Variants in FAM3A observed in about 807,000 individuals in gnomAD.
FAM3A encodes FAM3 metabolism regulating signaling molecule A, also known as protein FAM3A.
Under a neutral mutation model 18.1 loss-of-function variants are expected in FAM3A, and 5 were observed. The observed-to-expected ratio is 0.28, with a 90% CI of 0.14 to 0.58. The LOEUF is 0.58. Ranked by LOEUF, FAM3A falls within the 20% of genes least tolerant of loss-of-function variation. FAM3A has a pLI of 0.91. For missense variants in FAM3A, 154 were observed against 216.6 expected (o/e 0.71, Z 1.81); for synonymous variants, 108 against 90.2 (o/e 1.20, Z -1.12).
At position 154,506,774 on chromosome X, in the gene FAM3A, T is replaced by TCTGGCCTCCCTCGGC; in HGVS notation, c.*22_*36dup. 2 of 1,151,753 alleles carry TCTGGCCTCCCTCGGC rather than the reference T, an allele frequency of 1.7e-6. No homozygotes were observed. Among genetic ancestry groups the TCTGGCCTCCCTCGGC allele is most frequent in the East Asian group, 6.0e-5 (2 of 33,514 alleles). 94.9% of individuals were successfully genotyped at this position (1,151,753 alleles called of 1,213,427 possible). On this transcript the variant is annotated 3_prime_UTR_variant, in exon 9 of 9. Transcript: ENST00000447601. ...CCGGCAGCGCGCGTGCCTCCCTTGG[T>TCTGGCCTCCCTCGGC]CTGGCCTCCCTCGGCCCGGTCCTGG...
Position 154,511,876 on chromosome X carries a change from G to A in FAM3A, c.128-5C>T. 8.3e-7 allele frequency: 1 copy of A among 1,208,529 alleles called. No homozygotes were observed. Among genetic ancestry groups the A allele is most frequent in the South Asian group, 1.8e-5 (1 of 56,848 alleles). On this transcript the variant is annotated splice_polypyrimidine_tract_variant and splice_region_variant and intron_variant, in intron 2 of 8. Coordinates refer to ENST00000447601, the MANE Select transcript of FAM3A (RefSeq NM_021806.4). Reference sequence around the variant, plus strand: ...CAGTCACCGAGCTCTCTGGACCTGTGGATACAGAGTGGTTTCTGTTAGTGT... The same window carrying A: ...CAGTCACCGAGCTCTCTGGACCTGTAGATACAGAGTGGTTTCTGTTAGTGT...
chrX:154,506,236 C>T lies in FAM3A; in HGVS notation c.*575G>A, dbSNP rs891302775. The stretch of plus-strand genomic sequence containing the variant: ...GTGGGCCCCCTGACAAACCGCGGGA[C>T]TGTGATCGGGCTCCAGCTACTTCAC... On this transcript the variant is annotated 3_prime_UTR_variant, in exon 9 of 9. Coordinates refer to ENST00000447601, the MANE Select transcript of FAM3A (RefSeq NM_021806.4). 1 of 115,397 alleles carries T rather than the reference C, an allele frequency of 8.7e-6. No homozygotes were observed. Among genetic ancestry groups the T allele is most frequent in the African/African-American group, 3.2e-5 (1 of 30,774 alleles). 9.5% of individuals were successfully genotyped at this position (115,397 alleles called of 1,213,427 possible). A position where few individuals can be genotyped will look rare whatever the true frequency, so the allele number is the denominator to read the frequency against.
In FAM3A at chrX:154,515,892, C is replaced by A; in HGVS notation, c.-120G>T. 10 of 745,128 alleles carry A rather than the reference C, an allele frequency of 1.3e-5. No individual in the cohort carries two copies. The highest frequency in any genetic ancestry group is 2.0e-5 in the Non-Finnish European group (10 of 490,625). The allele number at this position is 745,128 out of a possible 1,213,427, so 61.4% of individuals were successfully genotyped here. A position where few individuals can be genotyped will look rare whatever the true frequency, so the allele number is the denominator to read the frequency against. On this transcript the variant is annotated 5_prime_UTR_variant, in exon 1 of 9. Transcript: ENST00000447601. ...GTGCGGGACCCCTGCTGGGGGCGGG[C>A]GCGATCGGTGCTACGACCTGTTTGT...
intron 1 of FAM3A, among the ~76,000 whole-genome samples, chrX:154,515,151 C>T (rs901170185): frequency 3.6e-5 from 4 of 112,322 alleles, no homozygotes; most frequent in Non-Finnish European, 5.6e-5. Flanking sequence ...GTCATCTACT[C>T]CTAGCTCTTT....
intron 3 of FAM3A, 188 bp from the exon 4 acceptor site, chrX:154,508,785 G>T: frequency 1.8e-6 from 1 of 548,557 alleles, no homozygotes; most frequent in Non-Finnish European, 3.2e-6. Flanking sequence ...AGGCCACAGG[G>T]ACCCAAGACA....
Position 154,515,691 on chromosome X carries a change from G to A in FAM3A, c.13+69C>T. ...CACCCGGGCCTCTCCAGACACAGAT[G>A]TCGCGACGCTGGGCCTCCAGCCAGG... On this transcript the variant is annotated intron_variant, in intron 1 of 8. Coordinates refer to ENST00000447601, the MANE Select transcript of FAM3A (RefSeq NM_021806.4). 1.1e-5 allele frequency: 13 copies of A among 1,148,086 alleles called. 1 individual carries two copies. The Admixed American group carries it at 2.8e-4, about 25-fold the overall frequency. 94.6% of individuals were successfully genotyped at this position (1,148,086 alleles called of 1,213,427 possible).
intron 1 of FAM3A, among the ~76,000 whole-genome samples, chrX:154,514,099 C>G (rs1266615436): frequency 9.0e-6 from 1 of 110,783 alleles, no homozygotes; most frequent in Non-Finnish European, 1.9e-5. Flanking sequence ...GCTGGCTTTC[C>G]GGACAGCACA....
At position 154,513,982 on chromosome X, in the gene FAM3A, C is replaced by T. The variant is rs186153530; in HGVS notation, c.14-1046G>A. On this transcript the variant is annotated intron_variant, in intron 1 of 8. Coordinates refer to ENST00000447601, the MANE Select transcript of FAM3A (RefSeq NM_021806.4). ...CCAAATCAGCTTGTTGCCAAGGCCACTGATGACCTTTGTGGTGTCACCACC... is the reference window on the plus strand; with the variant it reads ...CCAAATCAGCTTGTTGCCAAGGCCATTGATGACCTTTGTGGTGTCACCACC... Among the ~76,000 whole-genome samples the T allele has an allele frequency of 5.4e-5, 6 of 110,233 alleles. No homozygotes were observed. In the East Asian group the frequency reaches 1.7e-3, roughly 32 times the overall value.
In FAM3A at chrX:154,507,857, G is replaced by T; in HGVS notation, c.339C>A (p.Val113=). 1 of 1,193,019 alleles carries T rather than the reference G, an allele frequency of 8.4e-7. No individual in the cohort carries two copies. The highest frequency in any genetic ancestry group is 1.1e-6 in the Non-Finnish European group (1 of 886,143). The change falls in exon 6 of 9, where the codon GTC becomes GTA. Residue 113 remains valine (V), a synonymous_variant. Transcript: ENST00000447601. ...CCCGGGCCTCGATGAGCTCGCCGCTGACCCCTGTGTCAGGAGGGAGGGGCC... is the reference window on the plus strand; with the variant it reads ...CCCGGGCCTCGATGAGCTCGCCGCTTACCCCTGTGTCAGGAGGGAGGGGCC... ...RGLNIALVNG[V]SGELIEARAF...
intron 3 of FAM3A, chrX:154,510,193 C>G (rs782649887): frequency 9.0e-6 from 1 of 111,089 alleles, no homozygotes; most frequent in African/African-American, 3.3e-5. Context: ...ATAGTGAGAC[C>G]CCGTCTCTAC....
intron 3 of FAM3A, chrX:154,511,471 G>T: frequency 6.1e-6 from 1 of 165,010 alleles, no homozygotes; most frequent in Non-Finnish European, 1.2e-5. Context: ...GGGCTGTCTC[G>T]TTTCAGAGCA....
chrX:154,515,039 C>T (rs990921308), intron 1 of FAM3A, among the ~76,000 whole-genome samples: 2 of 109,726 alleles, frequency 1.8e-5, no homozygotes, highest in African/African-American at 3.3e-5. Context: ...AGGCTGGTCT[C>T]GAACTCCTGA....
chrX:154,511,859 G>C lies in FAM3A; in HGVS notation c.140C>G (p.Ser47Trp). The C allele has an allele frequency of 8.3e-7, 1 of 1,209,775 alleles. No homozygotes were observed. Among genetic ancestry groups the C allele is most frequent in the Non-Finnish European group, 1.1e-6 (1 of 894,304 alleles). The change falls in exon 3 of 9, where the codon TCG (serine) becomes TGG (tryptophan). Residue 47 changes from serine to tryptophan, a missense_variant. Ser to Trp is a radical substitution (Grantham distance 177, BLOSUM62 -3). Around this residue, in one of 3 missense-constraint regions of FAM3A, gnomAD observed 112 missense variants for 160.0 expected, o/e 0.70. Transcript: ENST00000447601. ...IQQLFTSPES[S>W]VTAAPRARKY... ...GACAGGGGCCTTACCTGCAGTCACC[G>C]AGCTCTCTGGACCTGTGGATACAGA...
chrX:154,513,585 A>G (rs1033911509), intron 1 of FAM3A, among the ~76,000 whole-genome samples: 1 of 110,679 alleles, frequency 9.0e-6, no homozygotes, highest in Non-Finnish European at 1.9e-5. Flanking sequence ...AGCTGAGACC[A>G]TGCCACTGCA....
Position 154,507,833 on chromosome X carries a change from C to T in FAM3A, c.363G>A (p.Arg121=). The change falls in exon 6 of 9, where the codon CGG becomes CGA. Residue 121 remains arginine, a synonymous_variant. Coordinates refer to ENST00000447601, the MANE Select transcript of FAM3A (RefSeq NM_021806.4). ...CACCTCCGGCCCACATGTCAAAGGC[C>T]CGGGCCTCGATGAGCTCGCCGCTGA... ...NGVSGELIEA[R]AFDMWAGDVN... 1.7e-6 allele frequency: 2 copies of T among 1,194,388 alleles called. No individual in the cohort carries two copies. Among genetic ancestry groups the T allele is most frequent in the Non-Finnish European group, 1.1e-6 (1 of 887,144 alleles).
At chrX:154,512,296 G>A (rs1260145532) in intron 2 of FAM3A, 2 of 251,844 alleles carry the variant, frequency 7.9e-6, no homozygotes, top group Non-Finnish European at 1.4e-5. Context: ...AGAAGAAGCC[G>A]GGTTTGGTGG....
Position 154,515,869 on chromosome X carries a change from G to A in FAM3A, c.-97C>T, listed in dbSNP as rs782410866. On this transcript the variant is annotated 5_prime_UTR_variant, in exon 1 of 9. Transcript: ENST00000447601. Reference sequence around the variant, plus strand: ...GGGTGGGGGTCAGGGGCAAGCCTGTGCGGGACCCCTGCTGGGGGCGGGCGC... The same window carrying A: ...GGGTGGGGGTCAGGGGCAAGCCTGTACGGGACCCCTGCTGGGGGCGGGCGC... The A allele has an allele frequency of 5.0e-4, 479 of 966,550 alleles. No individual in the cohort carries two copies. The highest frequency in any genetic ancestry group is 8.1e-4 in the Admixed American group (36 of 44,279). 79.7% of individuals were successfully genotyped at this position (966,550 alleles called of 1,213,427 possible). A position where few individuals can be genotyped will look rare whatever the true frequency, so the allele number is the denominator to read the frequency against.
chrX:154,508,948 G>C lies in FAM3A; in HGVS notation c.152-351C>G, dbSNP rs782034526. 822 of 306,409 alleles carry C rather than the reference G, an allele frequency of 2.7e-3. 14 individuals are homozygous for C. The highest frequency in any genetic ancestry group is 4.4e-4 in the Non-Finnish European group (70 of 160,779). 25.3% of individuals were successfully genotyped at this position (306,409 alleles called of 1,213,427 possible). On this transcript the variant is annotated intron_variant, in intron 3 of 8. Coordinates refer to ENST00000447601, the MANE Select transcript of FAM3A (RefSeq NM_021806.4). ...AACCTGAGCAAAGGCAGTGTGGCAG[G>C]GGGTAGTGTGGCAGGGGGTGCAGCC...
intron 3 of FAM3A, chrX:154,508,997 T>C: frequency 3.7e-6 from 1 of 270,649 alleles, no homozygotes; most frequent in Non-Finnish European, 7.0e-6. Flanking sequence ...TGATGGGGGT[T>C]GGTTGGGAGG....
Sources: allele counts gnomAD v4.1 joint callset (sites outside exome capture counted in the v4.1 genomes callset), GRCh38; gene constraint gnomAD v4.1.1; regional missense constraint gnomAD v4.1.1; transcripts MANE v1.5; gene names NCBI Gene and HGNC (gene_info 2026-07-23, HGNC 2026-07-21).